SLC38A12: variants seen among roughly 807,000 people sequenced by gnomAD.
SLC38A12 encodes solute carrier family 38 member 12, also known as putative sodium-coupled neutral amino acid transporter 12.
At chr17:74,826,384 C>T in the SLC38A12 span, among the ~76,000 whole-genome samples, 4 of 152,202 alleles carry the variant, frequency 2.6e-5, no homozygotes, top group Non-Finnish European at 4.4e-5. Context: ...GATAGAACCT[C>T]GTCCTATAAA....
At chr17:74,824,526 C>T in the SLC38A12 span, among the ~76,000 whole-genome samples, 19 of 152,184 alleles carry the variant, frequency 1.2e-4, no homozygotes, top group Non-Finnish European at 2.4e-4. Flanking sequence ...CAACTTTCAC[C>T]GACAGATGCC....
chr17:74,785,988 C>T, the SLC38A12 span, among the ~76,000 whole-genome samples: 4 of 152,226 alleles, frequency 2.6e-5, no homozygotes, highest in African/African-American at 9.6e-5. Context: ...AAAGATCTAA[C>T]AAACATTTAA....
chr17:74,807,627 T>C, the SLC38A12 span, among the ~76,000 whole-genome samples: 1 of 152,230 alleles, frequency 6.6e-6, no homozygotes, highest in Non-Finnish European at 1.5e-5. Flanking sequence ...GCCAGAGCAC[T>C]TCTGTCTTTG....
chr17:74,806,948 A>T, the SLC38A12 span, among the ~76,000 whole-genome samples: 1 of 152,180 alleles, frequency 6.6e-6, no homozygotes, highest in Non-Finnish European at 1.5e-5. Flanking sequence ...CCCCAGGGTC[A>T]TGAAGGTTTT....
At chr17:74,816,766 A>C in the SLC38A12 span, among the ~76,000 whole-genome samples, 1 of 151,708 alleles carries the variant, frequency 6.6e-6, no homozygotes, top group African/African-American at 2.4e-5. Flanking sequence ...AGAGTCCTTG[A>C]GCAGAGACTG....
chr17:74,814,941 A>G, the SLC38A12 span, among the ~76,000 whole-genome samples: 1 of 152,236 alleles, frequency 6.6e-6, no homozygotes, highest in Non-Finnish European at 1.5e-5. Context: ...AATTCAGTCA[A>G]GAGCCCCCAG....
chr17:74,828,850 T>C, the SLC38A12 span, among the ~76,000 whole-genome samples: 1 of 152,180 alleles, frequency 6.6e-6, no homozygotes, highest in Middle Eastern at 3.4e-3. Flanking sequence ...CCAAGGTTGG[T>C]GGCAGGAGGG....
chr17:74,838,829 G>A, the SLC38A12 span: 1 of 1,524,804 alleles, frequency 6.6e-7, no homozygotes, highest in Middle Eastern at 1.7e-4. Context: ...ACGTTTCACT[G>A]CAGCCATCAT....
chr17:74,809,272 G>A, the SLC38A12 span, among the ~76,000 whole-genome samples: 11 of 152,242 alleles, frequency 7.2e-5, no homozygotes, highest in African/African-American at 2.4e-4. Context: ...GGAGGTTTTC[G>A]GCTGTCAAAC....
At chr17:74,836,136 A>G in the SLC38A12 span, 4 of 1,613,522 alleles carry the variant, frequency 2.5e-6, no homozygotes, top group Non-Finnish European at 3.4e-6. The surrounding 1 kb of genome is among the most constrained non-coding windows in gnomAD (Gnocchi z 4.2). Flanking sequence ...CTACGTGCTG[A>G]TCCTGGCCTT....
At chr17:74,791,585 C>A in the SLC38A12 span, among the ~76,000 whole-genome samples, 1 of 152,258 alleles carries the variant, frequency 6.6e-6, no homozygotes, top group Non-Finnish European at 1.5e-5. Context: ...CCGATTCTGT[C>A]TAGAATAACA....
chr17:74,789,003 C>A, the SLC38A12 span: 1 of 712,686 alleles, frequency 1.4e-6, no homozygotes, highest in Non-Finnish European at 2.2e-6. Context: ...GGACCCCAGT[C>A]CCAGAGCTGA....
At chr17:74,814,763 T>C in the SLC38A12 span, among the ~76,000 whole-genome samples, 4 of 152,138 alleles carry the variant, frequency 2.6e-5, no homozygotes, top group Non-Finnish European at 5.9e-5. Context: ...ACAAAGCTTT[T>C]GTGAGCATCC....
At chr17:74,778,562 A>G in the SLC38A12 span, among the ~76,000 whole-genome samples, 1 of 146,316 alleles carries the variant, frequency 6.8e-6, no homozygotes, top group Admixed American at 6.8e-5. Flanking sequence ...GAGTCTTCCT[A>G]TTGGGCCTGT....
the SLC38A12 span, among the ~76,000 whole-genome samples, chr17:74,795,963 T>C: frequency 6.6e-6 from 1 of 152,122 alleles, no homozygotes; most frequent in Non-Finnish European, 1.5e-5. Context: ...GAGTGACACG[T>C]CTCATTTTTT....
chr17:74,806,152 A>G, the SLC38A12 span, among the ~76,000 whole-genome samples: 2 of 152,096 alleles, frequency 1.3e-5, no homozygotes, highest in East Asian at 3.9e-4. Context: ...AGGGTCCCCC[A>G]TCCTCTGTCA....
chr17:74,822,453 C>T, the SLC38A12 span, among the ~76,000 whole-genome samples: 1 of 152,242 alleles, frequency 6.6e-6, no homozygotes, highest in Non-Finnish European at 1.5e-5. Flanking sequence ...CATCAGGAGC[C>T]GGAGGTGGAG....
At chr17:74,802,937 C>G in the SLC38A12 span, among the ~76,000 whole-genome samples, 2 of 152,164 alleles carry the variant, frequency 1.3e-5, no homozygotes, top group Non-Finnish European at 2.9e-5. Flanking sequence ...TCATCCCTCA[C>G]CCCACCCCCA....
the SLC38A12 span, among the ~76,000 whole-genome samples, chr17:74,833,348 G>T: frequency 6.6e-6 from 1 of 152,264 alleles, no homozygotes; most frequent in Non-Finnish European, 1.5e-5. Flanking sequence ...GGTTCTAGAA[G>T]TTGTTCTACA....
Sources: gnomAD v4.1 joint callset for allele counts (sites outside exome capture counted in the v4.1 genomes callset) on GRCh38, gnomAD v4.1.1 for gene constraint, Gnocchi (gnomAD v3.1) non-coding constraint, MANE v1.5 for transcripts, NCBI Gene and HGNC (gene_info 2026-07-23, HGNC 2026-07-21) for gene names.